Variants in PCDHGB3 observed in about 807,000 individuals in gnomAD.
The protein encoded by PCDHGB3 is protocadherin gamma subfamily B, 3, also known as protocadherin gamma-B3.
PCDHGB3 carries 40 observed loss-of-function variants against 59.2 expected under a neutral mutation model. The observed-to-expected ratio is 0.68, with a 90% confidence interval of 0.52 to 0.88. PCDHGB3 has a LOEUF of 0.88. Among genes scored for constraint, PCDHGB3 ranks in the 40% least tolerant of loss-of-function variants. PCDHGB3 has a pLI of 0.00. For missense variants in PCDHGB3, 1,309 were observed against 1,187.9 expected (o/e 1.10, Z -1.50); for synonymous variants, 581 against 503.6 (o/e 1.15, Z -2.06).
At chr5:141,506,444 CAAA>C (rs1219684339) in intron 3 of PCDHGB3, among the ~76,000 whole-genome samples, 12 of 95,004 alleles carry the variant, frequency 1.3e-4, no homozygotes, top group Admixed American at 3.3e-4. Context: ...CGCTCTGTCT[CAAA>C]AAAAAAAAAA....
Position 141,487,810 on chromosome 5 carries a change from C to T in PCDHGB3, c.2416-6997C>T. 7.1e-7 allele frequency: 1 copy of T among 1,417,854 alleles called. No homozygotes were observed. 87.8% of individuals were successfully genotyped at this position (1,417,854 alleles called of 1,614,324 possible). ...ATTAACCAGAGTTGTCACAGTTTAG[C>T]ATTGGGGGCGGGTCATGCCTATATC... is the stretch of plus-strand genomic sequence containing the variant. On this transcript the variant is annotated intron_variant, in intron 1 of 3. Coordinates refer to ENST00000576222, the MANE Select transcript of PCDHGB3 (RefSeq NM_018924.5). This position sits in a 1 kb window ranked among gnomAD's most constrained non-coding sequence, Gnocchi z 5.0.
intron 1 of PCDHGB3, among the ~76,000 whole-genome samples, chr5:141,420,868 G>C (rs1479734969): frequency 6.6e-6 from 1 of 152,222 alleles, no homozygotes; most frequent in Non-Finnish European, 1.5e-5. Context: ...GTCACATAAT[G>C]TAAGTATTGT....
At chr5:141,457,108 T>C (rs186630889) in intron 1 of PCDHGB3, among the ~76,000 whole-genome samples, 40 of 152,338 alleles carry the variant, frequency 2.6e-4, no homozygotes, top group African/African-American at 9.1e-4. Flanking sequence ...TTAAGCAAAA[T>C]ACGACAGCAA....
intron 1 of PCDHGB3, among the ~76,000 whole-genome samples, chr5:141,457,459 CA>C (rs1402759850): frequency 6.6e-6 from 1 of 152,166 alleles, no homozygotes; most frequent in Non-Finnish European, 1.5e-5. Context: ...CCACTTGATT[CA>C]CAGGAATAAG....
At chr5:141,437,741 C>CT (rs35124340) in intron 1 of PCDHGB3, among the ~76,000 whole-genome samples, 18,734 of 141,656 alleles carry the variant, frequency 0.13, 1,459 homozygotes, top group African/African-American at 0.22. Context: ...TTGAGTTCAC[C>CT]TTTTTTTTTT....
chr5:141,509,477 G>A (rs753058277), intron 3 of PCDHGB3, among the ~76,000 whole-genome samples: 7 of 152,166 alleles, frequency 4.6e-5, no homozygotes, highest in African/African-American at 7.2e-5. Context: ...CAGGTGAGGG[G>A]TAGAGGTGAT....
At chr5:141,407,328 A>G (rs1016529734) in intron 1 of PCDHGB3, among the ~76,000 whole-genome samples, 1 of 152,210 alleles carries the variant, frequency 6.6e-6, no homozygotes, top group Admixed American at 6.5e-5. Flanking sequence ...ATTTATAAAT[A>G]TTGAAATGTA....
In PCDHGB3 at chr5:141,431,243, A is replaced by G; in HGVS notation, c.2415+58434A>G. 1 of 1,614,154 alleles carries G rather than the reference A, an allele frequency of 6.2e-7. No homozygotes were observed. Among genetic ancestry groups the G allele is most frequent in the Non-Finnish European group, 8.5e-7 (1 of 1,180,034 alleles). ...TCTACCCCACGCCTGGGATCCGGAT[A>G]TCGGGAAGAACTCTCTGCAGAGCTA... On this transcript the variant is annotated intron_variant, in intron 1 of 3. Coordinates refer to ENST00000576222, the MANE Select transcript of PCDHGB3 (RefSeq NM_018924.5). This position sits in a 1 kb window ranked among gnomAD's most constrained non-coding sequence, Gnocchi z 4.8.
chr5:141,399,780 A>G (rs1444494014), intron 1 of PCDHGB3: 1 of 1,613,288 alleles, frequency 6.2e-7, no homozygotes, highest in Non-Finnish European at 8.5e-7. Flanking sequence ...TGGGCGACCG[A>G]AACGACAACG....
intron 1 of PCDHGB3, chr5:141,419,262 G>C: frequency 1.9e-6 from 3 of 1,614,014 alleles, no homozygotes; most frequent in Non-Finnish European, 2.5e-6. Context: ...AACCAGCCGG[G>C]TGCCTCCATA....
Position 141,476,878 on chromosome 5 carries a change from G to A in PCDHGB3, c.2416-17929G>A. 2 of 1,613,960 alleles carry A rather than the reference G, an allele frequency of 1.2e-6. No homozygotes were observed. The highest frequency in any genetic ancestry group is 1.7e-6 in the Non-Finnish European group (2 of 1,180,034). Reference sequence around the variant, plus strand: ...AGTCCTTGTACCGGGCGCGCGTCCTGGAGGATGCACCCTCCGGCACGCGCG... The same window carrying A: ...AGTCCTTGTACCGGGCGCGCGTCCTAGAGGATGCACCCTCCGGCACGCGCG... On this transcript the variant is annotated intron_variant, in intron 1 of 3. Transcript: ENST00000576222. This position sits in a 1 kb window ranked among gnomAD's most constrained non-coding sequence, Gnocchi z 7.6.
intron 1 of PCDHGB3, chr5:141,416,320 A>G (rs1482631457): frequency 1.3e-5 from 2 of 152,208 alleles, no homozygotes; most frequent in East Asian, 1.9e-4. Flanking sequence ...TAGCATTTTA[A>G]TTTAACTTTC....
chr5:141,496,478 G>A lies in PCDHGB3; in HGVS notation c.2474+1613G>A, dbSNP rs150992994. 7.2e-3 allele frequency among the ~76,000 whole-genome samples: 1,093 copies of A among 152,228 alleles called. 19 individuals are homozygous for A. The highest frequency in any genetic ancestry group is 0.025 in the African/African-American group (1,039 of 41,518). ...CCAAGAGTTATCTTTCCCCCATCCT[G>A]CAACCAACCAAACCCTTGTTGCCAC... is the stretch of plus-strand genomic sequence containing the variant. On this transcript the variant is annotated intron_variant, in intron 2 of 3. Transcript: ENST00000576222.
chr5:141,386,534 T>A (rs1561611722), intron 1 of PCDHGB3, among the ~76,000 whole-genome samples: 1 of 151,950 alleles, frequency 6.6e-6, no homozygotes, highest in African/African-American at 2.4e-5. Context: ...CTTTTTAGAC[T>A]AGTGTTGTAT....
At chr5:141,415,372 G>A in intron 1 of PCDHGB3, 1 of 1,614,252 alleles carries the variant, frequency 6.2e-7, no homozygotes, top group Non-Finnish European at 8.5e-7. Flanking sequence ...GCAGGCTTCA[G>A]GAGGCGGCTT....
intron 1 of PCDHGB3, chr5:141,391,117 G>C (rs1180056630): frequency 6.6e-6 from 1 of 152,054 alleles, no homozygotes; most frequent in African/African-American, 2.4e-5. Flanking sequence ...TATAGCTAGA[G>C]GTCTTCTAAT....
intron 1 of PCDHGB3, chr5:141,479,313 G>C (rs926148640): frequency 2.0e-5 from 3 of 152,456 alleles, no homozygotes; most frequent in Non-Finnish European, 2.9e-5. Context: ...AAAACATAAA[G>C]TAGCCAGACT....
intron 1 of PCDHGB3, chr5:141,382,901 T>C (rs748634682): frequency 5.8e-6 from 9 of 1,543,194 alleles, no homozygotes; most frequent in East Asian, 2.3e-5. Flanking sequence ...AGGACGACTA[T>C]GGCGGCTCAG....
At chr5:141,427,187 C>T (rs1318380362) in intron 1 of PCDHGB3, 1 of 456,574 alleles carries the variant, frequency 2.2e-6, no homozygotes, top group Middle Eastern at 3.3e-4. Flanking sequence ...AAATTAAATC[C>T]AAAGACTTAA....
Sources: allele counts gnomAD v4.1 joint callset (sites outside exome capture counted in the v4.1 genomes callset), GRCh38; gene constraint gnomAD v4.1.1; non-coding constraint Gnocchi (gnomAD v3.1); transcripts MANE v1.5; gene names NCBI Gene and HGNC (gene_info 2026-07-23, HGNC 2026-07-21).